Variants in RNMT observed in about 807,000 individuals in gnomAD.
RNMT encodes RNA guanine-7 methyltransferase.
Under a neutral mutation model 56.0 loss-of-function variants are expected in RNMT, and 27 were observed. The observed-to-expected ratio is 0.48, with a 90% confidence interval of 0.36 to 0.67. The LOEUF (loss-of-function observed/expected upper bound fraction) is 0.67, where lower values mean the gene tolerates loss of function less well. Among genes scored for constraint, RNMT ranks in the 30% least tolerant of loss-of-function variants. RNMT has a pLI of 0.00. For synonymous variants in RNMT, 184 were observed against 176.2 expected, an observed-to-expected ratio of 1.04 and a Z score of -0.35; for missense variants, 519 against 552.1, an observed-to-expected ratio of 0.94 and a Z score of 0.60.
At chr18:13,743,328 A>AT (rs2044285436) in intron 8 of RNMT, among the ~76,000 whole-genome samples, 2 of 42,358 alleles carry the variant, frequency 4.7e-5, no homozygotes, top group South Asian at 6.4e-4. Context: ...GTCTCAAAAA[A>AT]AAAATAAATA....
At chr18:13,750,418 G>A (rs1039792529) in intron 9 of RNMT, among the ~76,000 whole-genome samples, 5 of 151,686 alleles carry the variant, frequency 3.3e-5, no homozygotes, top group Admixed American at 1.3e-4. Context: ...CAGTAGAGAA[G>A]GTGCAAGTGT....
intron 1 of RNMT, among the ~76,000 whole-genome samples, chr18:13,728,463 G>A (rs1318670850): frequency 1.3e-5 from 2 of 151,370 alleles, no homozygotes; most frequent in East Asian, 3.9e-4. Flanking sequence ...AGCCTCCCGA[G>A]TAGCTGGGAT....
In RNMT at chr18:13,761,853, C is replaced by T; in HGVS notation, c.*1874C>T. ...CCTCCACCACCCTACACCCCCCTCC[C>T]CCCGGCCCCAAGCCCCTGTGTCTCC... On this transcript the variant is annotated 3_prime_UTR_variant, in exon 12 of 12. Coordinates refer to ENST00000383314, the MANE Select transcript of RNMT (RefSeq NM_003799.3). 2 of 1,121,068 alleles carry T rather than the reference C, an allele frequency of 1.8e-6. No individual in the cohort carries two copies. Among genetic ancestry groups the T allele is most frequent in the Non-Finnish European group, 2.2e-6 (2 of 914,612 alleles). The allele number at this position is 1,121,068 out of a possible 1,614,324, so 69.4% of individuals were successfully genotyped here. A position where few individuals can be genotyped will look rare whatever the true frequency, so the allele number is the denominator to read the frequency against.
chr18:13,742,386 G>T, intron 7 of RNMT, 102 bp from the exon 8 acceptor site: 9 of 955,684 alleles, frequency 9.4e-6, no homozygotes, highest in Non-Finnish European at 1.4e-5. Context: ...GGCTAATCAA[G>T]TGTGCATCAT....
intron 5 of RNMT, among the ~76,000 whole-genome samples, chr18:13,737,743 C>A (rs1375186845): frequency 6.6e-6 from 1 of 151,272 alleles, no homozygotes; most frequent in East Asian, 1.9e-4. Context: ...TTGGACACAT[C>A]AAATCAGAAA....
chr18:13,746,316 A>G lies in RNMT; in HGVS notation c.1236A>G (p.Leu412=), dbSNP rs762653667. Residue 412 remains leucine, a synonymous_variant, in exon 9 of 12, where the codon TTA becomes TTG. Coordinates refer to ENST00000383314, the MANE Select transcript of RNMT (RefSeq NM_003799.3). ...KIKNNENKML[L]KRMQALEPYP... ...AGAACAATGAAAATAAAATGCTCTT[A>G]AAACGAATGCAGGCCTTGGAGGTGA... is the stretch of plus-strand genomic sequence containing the variant. The G allele has an allele frequency of 5.1e-6, 8 of 1,555,690 alleles. No individual in the cohort carries two copies. In the African/African-American group the frequency reaches 8.3e-5, roughly 16 times the overall value.
intron 10 of RNMT, among the ~76,000 whole-genome samples, 189 bp from the exon 11 acceptor site, chr18:13,753,925 A>G (rs1353032343): frequency 1.3e-5 from 2 of 152,020 alleles, no homozygotes; most frequent in Non-Finnish European, 2.9e-5. Flanking sequence ...GTCTGAGAAG[A>G]TGACTTTCAA....
chr18:13,746,958 G>A (rs1359818483), intron 9 of RNMT, among the ~76,000 whole-genome samples: 1 of 152,144 alleles, frequency 6.6e-6, no homozygotes, highest in Non-Finnish European at 1.5e-5. Context: ...AGCAGTGAAG[G>A]TATCTATATA....
chr18:13,756,870 A>G (rs542501329), intron 11 of RNMT, among the ~76,000 whole-genome samples: 2 of 152,306 alleles, frequency 1.3e-5, no homozygotes, highest in South Asian at 4.1e-4. Flanking sequence ...ACTGTTGAGT[A>G]TCCTAGCACA....
In RNMT at chr18:13,760,911, G is replaced by A; in HGVS notation, c.*932G>A. On this transcript the variant is annotated 3_prime_UTR_variant, in exon 12 of 12. Coordinates refer to ENST00000383314, the MANE Select transcript of RNMT (RefSeq NM_003799.3). ...TTGCACCGTAGGAGCCATTGTTAAA[G>A]TTGTCACTTGTGTAACTGACTGCTT... 4 of 985,442 alleles carry A rather than the reference G, an allele frequency of 4.1e-6. No homozygotes were observed. Among genetic ancestry groups the A allele is most frequent in the African/African-American group, 1.7e-5 (1 of 57,372 alleles). The allele number at this position is 985,442 out of a possible 1,614,324, so 61.0% of individuals were successfully genotyped here.
At chr18:13,730,593 T>A (rs1168339602) in intron 1 of RNMT, 34 bp from the exon 2 acceptor site, 1 of 152,238 alleles carries the variant, frequency 6.6e-6, no homozygotes, top group Non-Finnish European at 1.5e-5. Flanking sequence ...TGTTTCTGTT[T>A]TATTCTTGAT....
intron 9 of RNMT, among the ~76,000 whole-genome samples, chr18:13,751,857 C>CT (rs1287377583): frequency 6.6e-6 from 1 of 152,054 alleles, no homozygotes; most frequent in African/African-American, 2.4e-5. Context: ...TCTAAGCAAA[C>CT]TAACACAAGG....
In RNMT at chr18:13,737,140, G is replaced by A. The variant is rs1264657301; in HGVS notation, c.679+5G>A. The A allele has an allele frequency of 2.5e-6, 4 of 1,577,938 alleles. No homozygotes were observed. The African/African-American group carries it at 4.1e-5, about 16-fold the overall frequency. On this transcript the variant is annotated splice_donor_5th_base_variant and intron_variant, in intron 5 of 11. Coordinates refer to ENST00000383314, the MANE Select transcript of RNMT (RefSeq NM_003799.3). ...TTAACAAGCTAGTTTGTACTGGTAA[G>A]ATAAATAATGATATGGGAAAGAATA...
chr18:13,742,177 A>G (rs2044261616), intron 7 of RNMT, among the ~76,000 whole-genome samples: 1 of 152,146 alleles, frequency 6.6e-6, no homozygotes, highest in Non-Finnish European at 1.5e-5. Flanking sequence ...TGTCTTTACA[A>G]AAAATTTACA....
In RNMT at chr18:13,728,330, T is replaced by TTGTGTG. The variant is rs1212860122; in HGVS notation, c.-172+1622_-172+1627dup. 7.9e-4 allele frequency among the ~76,000 whole-genome samples: 17 copies of TTGTGTG among 21,466 alleles called. No homozygotes were observed. In the South Asian group the frequency reaches 0.032, roughly 40 times the overall value. 14.1% of individuals were successfully genotyped at this position (21,466 alleles called of 152,430 possible). A position where few individuals can be genotyped will look rare whatever the true frequency, so the allele number is the denominator to read the frequency against. On this transcript the variant is annotated intron_variant, in intron 1 of 11. Transcript: ENST00000383314. ...TTTTTTTTTTTTTTTTTTTTTTTTT[T>TTGTGTG]TGTGTGTGTGTGTGTGTGTGTGTGT...
chr18:13,732,541 G>C (rs1180919027), intron 3 of RNMT, among the ~76,000 whole-genome samples: 1 of 152,018 alleles, frequency 6.6e-6, no homozygotes. Flanking sequence ...CTAATATTTA[G>C]CAAAGATATT....
At chr18:13,728,613 G>A (rs1488372692) in intron 1 of RNMT, among the ~76,000 whole-genome samples, 1 of 151,932 alleles carries the variant, frequency 6.6e-6, no homozygotes, top group Non-Finnish European at 1.5e-5. Flanking sequence ...TGGGATTACA[G>A]GTGTGAGCCA....
rs138581561 is a variant in RNMT, at chr18:13,742,641, A to T, written c.1128A>T (p.Pro376=). The change falls in exon 8 of 12, where the codon CCA becomes CCT. Residue 376 remains proline, a synonymous_variant. Transcript: ENST00000383314. ...TTCCTGAATTCTTGGTCTATTTTCC[A>T]TTGCTAAATGAGTAAGAAGTCATTA... ...VDVPEFLVYF[P]LLNEMAKKYN... is the part of the protein sequence containing the mutation. 6.2e-7 allele frequency: 1 copy of T among 1,612,400 alleles called. No homozygotes were observed. Among genetic ancestry groups the T allele is most frequent in the Non-Finnish European group, 8.5e-7 (1 of 1,179,132 alleles).
intron 10 of RNMT, among the ~76,000 whole-genome samples, chr18:13,753,015 T>C (rs1448374394): frequency 2.0e-5 from 3 of 152,260 alleles, no homozygotes; most frequent in Non-Finnish European, 4.4e-5. Context: ...CACATATCTT[T>C]AATATTTTGA....
Sources: allele counts gnomAD v4.1 joint callset (sites outside exome capture counted in the v4.1 genomes callset), GRCh38; gene constraint gnomAD v4.1.1; transcripts MANE v1.5; gene names NCBI Gene and HGNC (gene_info 2026-07-23, HGNC 2026-07-21).